Variants in PTK2B observed in about 807,000 individuals in gnomAD.
PTK2B encodes protein tyrosine kinase 2 beta.
Under a neutral mutation model 142.9 loss-of-function variants are expected in PTK2B, and 71 were observed. The observed-to-expected ratio is 0.50, with a 90% confidence interval of 0.41 to 0.61. The LOEUF (loss-of-function observed/expected upper bound fraction) is 0.61, where lower values mean the gene tolerates loss of function less well. PTK2B is among the 20% of genes least tolerant of loss of function. The pLI is 0.00. For missense variants in PTK2B, 1,105 were observed against 1,320.4 expected, an observed-to-expected ratio of 0.84 and a Z score of 2.53; for synonymous variants, 519 against 503.4, an observed-to-expected ratio of 1.03 and a Z score of -0.42.
upstream of PTK2B, among the ~76,000 whole-genome samples, chr8:27,324,522 A>G (rs560391065): frequency 1.3e-5 from 2 of 152,338 alleles, no homozygotes; most frequent in East Asian, 1.9e-4. Context: ...TAACTTATCT[A>G]AGTCTCCAGT....
At position 27,454,150 on chromosome 8, in the gene PTK2B, T is replaced by C. The variant is rs1430689604; in HGVS notation, c.2596-4T>C. 8 of 1,613,806 alleles carry C rather than the reference T, an allele frequency of 5.0e-6. No individual in the cohort carries two copies. Among genetic ancestry groups the C allele is most frequent in the Non-Finnish European group, 6.8e-6 (8 of 1,179,968 alleles). On this transcript the variant is annotated splice_polypyrimidine_tract_variant and splice_region_variant and intron_variant, in intron 28 of 30. Transcript: ENST00000346049. ...CTCACTGGCCACCTGCGTCTTCCCC[T>C]CAGTCCATCCAGCCCACAGCTAACC...
chr8:27,361,105 T>TTAAA (rs1805674716), intron 1 of PTK2B, among the ~76,000 whole-genome samples: 1 of 152,236 alleles, frequency 6.6e-6, no homozygotes, highest in African/African-American at 2.4e-5. Flanking sequence ...TAATTTCCTA[T>TTAAA]CCCTCACCCC....
chr8:27,415,859 A>T (rs1809370908), intron 2 of PTK2B, among the ~76,000 whole-genome samples: 1 of 152,234 alleles, frequency 6.6e-6, no homozygotes, highest in Admixed American at 6.5e-5. Flanking sequence ...AAAATGATAA[A>T]ACATTACTAA....
intron 1 of PTK2B, among the ~76,000 whole-genome samples, chr8:27,347,080 A>C (rs1430852760): frequency 6.6e-6 from 1 of 152,182 alleles, no homozygotes; most frequent in Non-Finnish European, 1.5e-5. Flanking sequence ...TTGCCATCTT[A>C]AAAAGTCATG....
chr8:27,422,457 C>A, intron 5 of PTK2B, 74 bp downstream of exon 5: 1 of 1,301,294 alleles, frequency 7.7e-7, no homozygotes, highest in Non-Finnish European at 1.0e-6. Flanking sequence ...TCCCCATGTC[C>A]AAGATGGGAA....
In PTK2B at chr8:27,369,239, T is replaced by C. The variant is rs74484202; in HGVS notation, c.-37-28309T>C. Among the ~76,000 whole-genome samples the C allele has an allele frequency of 5.3e-3, 809 of 152,264 alleles. 9 individuals carry two copies. The highest frequency in any genetic ancestry group is 0.037 in the East Asian group (194 of 5,180). ...ACCCCCTGCCCTACAGCTTACCTTC[T>C]ACCCTCTTATAATCACAGGATCCCT... On this transcript the variant is annotated intron_variant, in intron 1 of 30. Transcript: ENST00000346049.
intron 18 of PTK2B, 45 bp from the exon 19 acceptor site, chr8:27,438,986 G>A: frequency 6.6e-7 from 1 of 1,508,476 alleles, no homozygotes; most frequent in Non-Finnish European, 9.2e-7. Flanking sequence ...CTGCTCCCAT[G>A]GGGGTGGGCA....
intron 1 of PTK2B, among the ~76,000 whole-genome samples, chr8:27,395,009 G>A (rs1190633554): frequency 2.0e-5 from 3 of 152,058 alleles, no homozygotes; most frequent in African/African-American, 7.3e-5. Flanking sequence ...GCGTATGAGA[G>A]TAATGTCTTC....
At chr8:27,338,718 T>TAA (rs1313023576) in intron 1 of PTK2B, among the ~76,000 whole-genome samples, 1 of 152,244 alleles carries the variant, frequency 6.6e-6, no homozygotes. Flanking sequence ...CAAAATAAGA[T>TAA]AATTGAGAAA....
intron 1 of PTK2B, among the ~76,000 whole-genome samples, chr8:27,382,211 G>C (rs1334570817): frequency 6.6e-6 from 1 of 152,200 alleles, no homozygotes; most frequent in Non-Finnish European, 1.5e-5. Context: ...GCCTTCCAAA[G>C]TGCTGGGATT....
At chr8:27,449,895 A>G (rs529479305) in intron 24 of PTK2B, among the ~76,000 whole-genome samples, 1 of 152,300 alleles carries the variant, frequency 6.6e-6, no homozygotes, top group South Asian at 2.1e-4. Context: ...GAGAGGAAGC[A>G]TTTATCTTCT....
intron 1 of PTK2B, among the ~76,000 whole-genome samples, chr8:27,388,395 T>A (rs1807504232): frequency 6.6e-6 from 1 of 152,132 alleles, no homozygotes; most frequent in African/African-American, 2.4e-5. Flanking sequence ...ATAACAACTT[T>A]CAGAGGACTG....
At position 27,450,802 on chromosome 8, in the gene PTK2B, G is replaced by T. The variant is rs1247911989; in HGVS notation, c.2394G>T (p.Glu798Asp). ...SSREEAQQLW[E>D]AEKVKMRQIL... ...GAGAAGAGGCCCAGCAGCTGTGGGA[G>T]GCTGAAAAGGTCAAAATGCGGCAAA... The change falls in exon 25 of 31, where the codon GAG (glutamate) becomes GAT (aspartate). Residue 798 changes from glutamate to aspartate, a missense_variant. Coordinates refer to ENST00000346049, the MANE Select transcript of PTK2B (RefSeq NM_173176.3). The T allele has an allele frequency of 6.2e-7, 1 of 1,614,180 alleles. No homozygotes were observed.
At chr8:27,387,318 A>G (rs985834677) in intron 1 of PTK2B, among the ~76,000 whole-genome samples, 2 of 152,140 alleles carry the variant, frequency 1.3e-5, no homozygotes, top group Admixed American at 6.5e-5. Context: ...GCCTTGGGAG[A>G]TATCAGTGAG....
intron 1 of PTK2B, among the ~76,000 whole-genome samples, chr8:27,394,080 G>T (rs909726675): frequency 6.6e-6 from 1 of 152,136 alleles, no homozygotes; most frequent in African/African-American, 2.4e-5. Context: ...TGCTCCTACA[G>T]ACCTGTACAG....
At chr8:27,418,173 C>T (rs1809517605) in intron 2 of PTK2B, among the ~76,000 whole-genome samples, 1 of 152,196 alleles carries the variant, frequency 6.6e-6, no homozygotes, top group Non-Finnish European at 1.5e-5. Context: ...AGTCGTCACC[C>T]TCTGTGACGG....
In PTK2B at chr8:27,437,489, A is replaced by T; in HGVS notation, c.1520A>T (p.Tyr507Phe). The change falls in exon 17 of 31, where the codon TAT becomes TTT. Residue 507 changes from tyrosine (Y) to phenylalanine (F), a missense_variant. Tyr to Phe is a conservative substitution (Grantham distance 22, BLOSUM62 3). Coordinates refer to ENST00000346049, the MANE Select transcript of PTK2B (RefSeq NM_173176.3). Reference sequence around the variant, plus strand: ...TGGATCATCATGGAATTGTATCCCTATGGGGAGGTGAGCTGGAGGACCCTG... The same window carrying T: ...TGGATCATCATGGAATTGTATCCCTTTGGGGAGGTGAGCTGGAGGACCCTG... ...PTWIIMELYPYGELGHYLERN... is the reference protein window; with the variant it reads ...PTWIIMELYPFGELGHYLERN... The T allele has an allele frequency of 6.2e-7, 1 of 1,606,372 alleles. No individual in the cohort carries two copies. The highest frequency in any genetic ancestry group is 2.2e-5 in the East Asian group (1 of 44,804).
chr8:27,322,773 A>C (rs527499954), upstream of PTK2B: 1 of 151,390 alleles, frequency 6.6e-6, no homozygotes, highest in Non-Finnish European at 1.5e-5. Flanking sequence ...TCTACTGGCT[A>C]TCATCCTAAA....
At chr8:27,423,442 T>C (rs1809884221) in intron 5 of PTK2B, among the ~76,000 whole-genome samples, 4 of 152,122 alleles carry the variant, frequency 2.6e-5, no homozygotes, top group African/African-American at 9.7e-5. Flanking sequence ...GGCCCTACCC[T>C]TGGGAGATTT....
Sources: allele counts gnomAD v4.1 joint callset (sites outside exome capture counted in the v4.1 genomes callset), GRCh38; gene constraint gnomAD v4.1.1; transcripts MANE v1.5; gene names NCBI Gene and HGNC (gene_info 2026-07-23, HGNC 2026-07-21).